Variants in SLCO1B1 observed in about 807,000 individuals in gnomAD.
SLCO1B1 encodes the protein solute carrier organic anion transporter family member 1B1, also known as OATP-2.
Under a neutral mutation model 70.1 loss-of-function variants are expected in SLCO1B1, and 81 were observed. That is an observed-to-expected ratio of 1.16 (90% CI 0.97 to 1.39). The LOEUF is 1.39. Among genes scored for constraint, SLCO1B1 ranks in the 40% most tolerant of loss-of-function variants. The pLI, the probability that SLCO1B1 is intolerant of heterozygous loss-of-function variation, is 0.00. For synonymous variants in SLCO1B1, 283 were observed against 271.5 expected (o/e 1.04, Z -0.42); for missense variants, 895 against 799.6 (o/e 1.12, Z -1.44).
intron 7 of SLCO1B1, among the ~76,000 whole-genome samples, chr12:21,181,467 A>G (rs1437939334): frequency 6.6e-6 from 1 of 152,178 alleles, no homozygotes; most frequent in Admixed American, 6.5e-5. Context: ...ATGATCATAT[A>G]AATCAAATTT....
chr12:21,158,428 G>A (rs890129926), intron 2 of SLCO1B1, among the ~76,000 whole-genome samples: 2 of 152,140 alleles, frequency 1.3e-5, no homozygotes, highest in African/African-American at 4.8e-5. Context: ...TAGGTGCGTG[G>A]CTCATGCCTG....
chr12:21,219,311 G>C (rs1941395672), intron 12 of SLCO1B1, among the ~76,000 whole-genome samples: 1 of 152,180 alleles, frequency 6.6e-6, no homozygotes, highest in Non-Finnish European at 1.5e-5. Context: ...AAAGGTACAA[G>C]CCATGCTAAA....
chr12:21,215,076 C>G (rs1008265983), intron 11 of SLCO1B1, among the ~76,000 whole-genome samples: 22 of 152,220 alleles, frequency 1.4e-4, no homozygotes, highest in African/African-American at 5.3e-4. Context: ...ATTCGGCCAT[C>G]TTGGCTCCTC....
At chr12:21,134,423 T>G (rs1940187168) in intron 1 of SLCO1B1, among the ~76,000 whole-genome samples, 2 of 152,224 alleles carry the variant, frequency 1.3e-5, no homozygotes. Flanking sequence ...AGTTCCTCCT[T>G]GTACCTCTGG....
intron 2 of SLCO1B1, among the ~76,000 whole-genome samples, chr12:21,154,361 TGTGAG>T (rs1565667727): frequency 3.5e-4 from 53 of 152,202 alleles, no homozygotes; most frequent in Non-Finnish European, 3.1e-4. Flanking sequence ...TCTTCTAACA[TGTGAG>T]GTTACAGTGA....
intron 2 of SLCO1B1, among the ~76,000 whole-genome samples, chr12:21,143,855 GC>G (rs1329304035): frequency 6.6e-6 from 1 of 151,992 alleles, no homozygotes; most frequent in African/African-American, 2.4e-5. Context: ...TGAGTGTCAA[GC>G]AACTGTGGAT....
intron 1 of SLCO1B1, among the ~76,000 whole-genome samples, chr12:21,134,518 A>G (rs1276107498): frequency 6.6e-6 from 1 of 151,968 alleles, no homozygotes; most frequent in Admixed American, 6.6e-5. Flanking sequence ...AGAGCCTGTT[A>G]TTGGTCTATT....
chr12:21,135,538 T>C (rs1183675775), intron 1 of SLCO1B1, among the ~76,000 whole-genome samples: 2 of 152,190 alleles, frequency 1.3e-5, no homozygotes, highest in South Asian at 2.1e-4. Context: ...TGCATATATA[T>C]TTAGGATAGT....
chr12:21,226,094 T>C (rs1941479509), intron 14 of SLCO1B1, among the ~76,000 whole-genome samples: 2 of 152,168 alleles, frequency 1.3e-5, no homozygotes, highest in Admixed American at 1.3e-4. Context: ...ATTAAATGCA[T>C]GTAGCTAAGT....
At chr12:21,193,789 T>G (rs28854565) in intron 7 of SLCO1B1, among the ~76,000 whole-genome samples, 1,578 of 152,214 alleles carry the variant, frequency 0.01, 37 homozygotes, top group South Asian at 0.039. Context: ...TCTAAGTCAT[T>G]GCTCTTTTTT....
At chr12:21,159,514 A>G (rs1226834197) in intron 2 of SLCO1B1, among the ~76,000 whole-genome samples, 2 of 152,174 alleles carry the variant, frequency 1.3e-5, no homozygotes, top group Admixed American at 6.5e-5. Flanking sequence ...ATATTTGTGA[A>G]AAGGGGAAAC....
At chr12:21,135,321 G>T (rs1435480830) in intron 1 of SLCO1B1, among the ~76,000 whole-genome samples, 8 of 152,188 alleles carry the variant, frequency 5.3e-5, no homozygotes, top group Non-Finnish European at 8.8e-5. Flanking sequence ...TTGATTTGGG[G>T]TGGAGAGTTC....
Position 21,133,981 on chromosome 12 carries a change from G to A in SLCO1B1, c.-62+2745G>A, listed in dbSNP as rs546588261. Among the ~76,000 whole-genome samples the A allele has an allele frequency of 4.6e-5, 7 of 152,246 alleles. No individual in the cohort carries two copies. In the South Asian group the frequency reaches 1.5e-3, roughly 32 times the overall value. The stretch of plus-strand genomic sequence containing the variant: ...ATTGGCTGCAGGTTTGTCATAGATA[G>A]CTCTTATTATTTTGAGATACATCCC... On this transcript the variant is annotated intron_variant, in intron 1 of 14. Transcript: ENST00000256958.
chr12:21,145,666 A>G (rs1317624939), intron 2 of SLCO1B1, among the ~76,000 whole-genome samples: 1 of 151,818 alleles, frequency 6.6e-6, no homozygotes, highest in African/African-American at 2.4e-5. Flanking sequence ...ATCACGAGTA[A>G]TACATAAATG....
chr12:21,205,691 A>G (rs1389137185), intron 10 of SLCO1B1, among the ~76,000 whole-genome samples, 177 bp from the exon 11 acceptor site: 1 of 151,766 alleles, frequency 6.6e-6, no homozygotes, highest in East Asian at 1.9e-4. Context: ...ATAAGCATTA[A>G]AAAAAACTTT....
chr12:21,156,519 A>G (rs1940544900), intron 2 of SLCO1B1, among the ~76,000 whole-genome samples: 1 of 152,166 alleles, frequency 6.6e-6, no homozygotes, highest in African/African-American at 2.4e-5. Context: ...ATTAATCATA[A>G]GAGGTTTATT....
intron 1 of SLCO1B1, among the ~76,000 whole-genome samples, chr12:21,136,547 T>C (rs943186822): frequency 6.6e-6 from 1 of 152,204 alleles, no homozygotes; most frequent in Non-Finnish European, 1.5e-5. Flanking sequence ...TTCTTTTTTC[T>C]CTAAACTTCT....
At chr12:21,161,756 A>G (rs941109883) in intron 2 of SLCO1B1, among the ~76,000 whole-genome samples, 17 of 152,152 alleles carry the variant, frequency 1.1e-4, no homozygotes, top group Non-Finnish European at 1.5e-4. Flanking sequence ...ACTTATAATC[A>G]TAGCACTTTG....
intron 2 of SLCO1B1, among the ~76,000 whole-genome samples, chr12:21,142,086 A>C (rs1477029609): frequency 2.0e-5 from 3 of 151,630 alleles, no homozygotes; most frequent in African/African-American, 4.8e-5. Context: ...AAAAAACAAA[A>C]AACAGGATTT....
Sources: allele counts gnomAD v4.1 joint callset (sites outside exome capture counted in the v4.1 genomes callset), GRCh38; gene constraint gnomAD v4.1.1; transcripts MANE v1.5; gene names NCBI Gene and HGNC (gene_info 2026-07-23, HGNC 2026-07-21).